Variants in LYPD6B observed in about 807,000 individuals in gnomAD.
The protein encoded by LYPD6B is LY6/PLAUR domain containing 6B.
In LYPD6B, 17 loss-of-function variants were observed where a neutral mutation model predicts 22.8. The observed-to-expected ratio is 0.75, with a 90% CI of 0.51 to 1.12. The LOEUF is 1.12. LYPD6B is among the 50% of genes most tolerant of loss of function. LYPD6B has a pLI of 0.00. For missense variants in LYPD6B, 221 were observed against 258.3 expected (o/e 0.86, Z 0.99); for synonymous variants, 106 against 91.6 (o/e 1.16, Z -0.90).
chr2:149,204,802 G>GA (rs1455572623), intron 3 of LYPD6B: 1 of 153,596 alleles, frequency 6.5e-6, no homozygotes, highest in Non-Finnish European at 1.4e-5. Flanking sequence ...GGTTTTGAAA[G>GA]AGTTGCAAAA....
chr2:149,147,078 A>G (rs535501498), intron 2 of LYPD6B, among the ~76,000 whole-genome samples: 1 of 152,238 alleles, frequency 6.6e-6, no homozygotes, highest in Non-Finnish European at 1.5e-5. Context: ...GCACAACCCC[A>G]GCTTCTCAGC....
At chr2:149,110,714 G>A (rs961117357) in intron 1 of LYPD6B, among the ~76,000 whole-genome samples, 3 of 152,108 alleles carry the variant, frequency 2.0e-5, no homozygotes, top group Admixed American at 2.0e-4. Flanking sequence ...TTCAATGACT[G>A]TTTTTTGAAT....
In LYPD6B at chr2:149,207,910, G is replaced by C. The variant is rs139913134; in HGVS notation, c.230-404G>C. Among the ~76,000 whole-genome samples the C allele has an allele frequency of 2.6e-3, 401 of 151,998 alleles. 2 individuals are homozygous for C. The highest frequency in any genetic ancestry group is 9.4e-3 in the African/African-American group (388 of 41,458). On this transcript the variant is annotated intron_variant, in intron 4 of 6. Coordinates refer to ENST00000409642, the MANE Select transcript of LYPD6B (RefSeq NM_177964.5). ...TAAAAAATCACACAACTAATCTGTG[G>C]GGAGAACAGAATTCAAACTCAGGTT...
chr2:149,038,839 G>C (rs545085106), intron 1 of LYPD6B, 38 bp downstream of exon 1: 1 of 150,370 alleles, frequency 6.7e-6, no homozygotes, highest in East Asian at 1.9e-4. Context: ...GGCGGTGGTG[G>C]GTTCGGGACG....
intron 3 of LYPD6B, among the ~76,000 whole-genome samples, chr2:149,170,777 C>G (rs1044808931): frequency 6.6e-6 from 1 of 152,164 alleles, no homozygotes; most frequent in African/African-American, 2.4e-5. Context: ...AAATTCCCAA[C>G]TAATCCTTCC....
At chr2:149,158,052 G>T (rs1458921171) in intron 2 of LYPD6B, among the ~76,000 whole-genome samples, 1 of 152,012 alleles carries the variant, frequency 6.6e-6, no homozygotes, top group Non-Finnish European at 1.5e-5. Context: ...TTAAGATTGG[G>T]GTGGGGAGAT....
chr2:149,105,544 T>C (rs1167487914), intron 1 of LYPD6B, among the ~76,000 whole-genome samples: 1 of 152,178 alleles, frequency 6.6e-6, no homozygotes, highest in Non-Finnish European at 1.5e-5. Flanking sequence ...TACCCCTCAA[T>C]GTTTCCATTT....
rs187363655 is a variant in LYPD6B at position 149,151,786 on chromosome 2, G to A, written c.6-8978G>A. Among the ~76,000 whole-genome samples, 5 of 152,178 alleles carry A rather than the reference G, an allele frequency of 3.3e-5. No individual in the cohort carries two copies. The East Asian group carries it at 9.7e-4, about 29-fold the overall frequency. ...ATGTACATCCCAGCTTGGTTTCTGC[G>A]GTGCTGTGTAAATGATCATCTGAAA... On this transcript the variant is annotated intron_variant, in intron 2 of 6. Coordinates refer to ENST00000409642, the MANE Select transcript of LYPD6B (RefSeq NM_177964.5).
chr2:149,066,320 TC>T (rs1358292963), intron 1 of LYPD6B, among the ~76,000 whole-genome samples: 2 of 151,780 alleles, frequency 1.3e-5, no homozygotes, highest in Non-Finnish European at 2.9e-5. Context: ...ATGCTATCCC[TC>T]CCCCGTCCCC....
intron 1 of LYPD6B, among the ~76,000 whole-genome samples, chr2:149,077,781 A>G (rs1336713241): frequency 2.6e-5 from 4 of 152,218 alleles, no homozygotes; most frequent in Non-Finnish European, 5.9e-5. Context: ...GCATCTTTTT[A>G]ATGGACAAAT....
intron 4 of LYPD6B, among the ~76,000 whole-genome samples, chr2:149,206,457 A>G (rs72983296): frequency 0.024 from 3,669 of 152,242 alleles, 131 homozygotes; most frequent in African/African-American, 0.084. Context: ...TTGAACTACC[A>G]TTATACATTT....
At chr2:149,176,461 C>T (rs1452459629) in intron 3 of LYPD6B, among the ~76,000 whole-genome samples, 2 of 152,066 alleles carry the variant, frequency 1.3e-5, no homozygotes, top group Admixed American at 6.6e-5. Flanking sequence ...AATAAGGAGT[C>T]GATCATTAGT....
At chr2:149,190,201 G>A (rs1692399623) in intron 3 of LYPD6B, among the ~76,000 whole-genome samples, 1 of 151,940 alleles carries the variant, frequency 6.6e-6, no homozygotes, top group African/African-American at 2.4e-5. Flanking sequence ...TTTTCATACT[G>A]TTCCCTCTCT....
At chr2:149,086,952 T>C (rs898703899) in intron 1 of LYPD6B, among the ~76,000 whole-genome samples, 1 of 152,174 alleles carries the variant, frequency 6.6e-6, no homozygotes, top group Non-Finnish European at 1.5e-5. Flanking sequence ...AATGAGTTTG[T>C]TTTAATGTAA....
chr2:149,052,637 T>G (rs1261078266), intron 1 of LYPD6B, among the ~76,000 whole-genome samples: 3 of 151,972 alleles, frequency 2.0e-5, no homozygotes, highest in Non-Finnish European at 4.4e-5. Flanking sequence ...GGTGCAGAGG[T>G]GTTGCCTGGG....
At chr2:149,148,376 G>A (rs1324792734) in intron 2 of LYPD6B, among the ~76,000 whole-genome samples, 1 of 152,210 alleles carries the variant, frequency 6.6e-6, no homozygotes, top group African/African-American at 2.4e-5. Context: ...GATTAAAGGA[G>A]TGAAATTCGG....
chr2:149,101,261 C>G (rs375945371), intron 1 of LYPD6B: 3 of 152,362 alleles, frequency 2.0e-5, no homozygotes, highest in African/African-American at 7.2e-5. Flanking sequence ...AGGAATGAGC[C>G]CAAACCAGGG....
At chr2:149,122,024 A>T (rs1687387795) in intron 1 of LYPD6B, among the ~76,000 whole-genome samples, 3 of 152,174 alleles carry the variant, frequency 2.0e-5, no homozygotes, top group African/African-American at 7.2e-5. Flanking sequence ...AGACCAAAAC[A>T]AACTATCACC....
intron 3 of LYPD6B, among the ~76,000 whole-genome samples, chr2:149,168,369 G>A (rs1225688286): frequency 6.6e-6 from 1 of 152,088 alleles, no homozygotes; most frequent in Non-Finnish European, 1.5e-5. Flanking sequence ...CTTTAGCAAC[G>A]TTCTCATAAT....
Sources: allele counts gnomAD v4.1 joint callset (sites outside exome capture counted in the v4.1 genomes callset), GRCh38; gene constraint gnomAD v4.1.1; transcripts MANE v1.5; gene names NCBI Gene and HGNC (gene_info 2026-07-23, HGNC 2026-07-21).